LMBR1: variants seen among roughly 807,000 people sequenced by gnomAD.
LMBR1 encodes limb region 1 protein homolog.
A neutral mutation model predicts 73.9 loss-of-function variants in LMBR1; 52 were observed. The observed-to-expected ratio is 0.70, with a 90% CI of 0.56 to 0.89. The LOEUF (loss-of-function observed/expected upper bound fraction) is 0.89, where lower values mean the gene tolerates loss of function less well. LMBR1 is among the 40% of genes least tolerant of loss of function. LMBR1 has a pLI of 0.00. For missense variants in LMBR1, 539 were observed against 579.8 expected (o/e 0.93, Z 0.72); for synonymous variants, 215 against 209.4 (o/e 1.03, Z -0.23).
intron 1 of LMBR1, among the ~76,000 whole-genome samples, chr7:156,874,112 C>T (rs546068446): frequency 6.6e-6 from 1 of 152,240 alleles, no homozygotes; most frequent in Non-Finnish European, 1.5e-5. Flanking sequence ...GGGTGGGAGG[C>T]TCAGGCATGG....
chr7:156,739,963 A>G (rs1417691458), intron 9 of LMBR1, among the ~76,000 whole-genome samples: 1 of 152,190 alleles, frequency 6.6e-6, no homozygotes, highest in Non-Finnish European at 1.5e-5. Flanking sequence ...ACAGAATTCA[A>G]AATGGCTGTT....
rs1837956002 is a variant in LMBR1 at position 156,837,906 on chromosome 7, C to T, written c.67-1021G>A. ...GATTCAAGCGATTCTCCCATCTCAG[C>T]CTGCCGAGTAACTGGGAATACAGGT... On this transcript the variant is annotated intron_variant, in intron 1 of 16. Transcript: ENST00000353442. Among the ~76,000 whole-genome samples the T allele has an allele frequency of 2.0e-5, 3 of 151,676 alleles. No homozygotes were observed. In the South Asian group the frequency reaches 6.2e-4, roughly 31 times the overall value.
intron 15 of LMBR1, among the ~76,000 whole-genome samples, chr7:156,707,624 A>T (rs996804898): frequency 6.6e-6 from 1 of 152,208 alleles, no homozygotes; most frequent in African/African-American, 2.4e-5. Context: ...AAACCACATG[A>T]TCATCTCCAA....
chr7:156,826,735 C>A lies in LMBR1; in HGVS notation c.189G>T (p.Leu63Phe). The A allele has an allele frequency of 5.6e-6, 9 of 1,605,620 alleles. No individual in the cohort carries two copies. The highest frequency in any genetic ancestry group is 7.7e-6 in the Non-Finnish European group (9 of 1,175,288). The change falls in exon 4 of 17, where the codon TTG becomes TTT. Residue 63 changes from leucine to phenylalanine, a missense_variant. Leu to Phe is a conservative substitution (Grantham distance 22). This residue lies in a region of LMBR1 where 454 missense variants were observed against 473.4 expected (regional missense o/e 0.96). Coordinates refer to ENST00000353442, the MANE Select transcript of LMBR1 (RefSeq NM_022458.4). ...DAIVNRISLF[L>F]STFTLAVSAG... is the part of the protein sequence containing the mutation. ...CTGACACTGCGAGAGTGAACGTGCT[C>A]AAAAACAACCTGGAAGAAAGGAGAG...
chr7:156,739,566 C>T (rs138143431), intron 9 of LMBR1, among the ~76,000 whole-genome samples: 14 of 152,306 alleles, frequency 9.2e-5, no homozygotes, highest in Admixed American at 2.6e-4. Context: ...GCTTGCATCA[C>T]CCCAACTCAG....
At chr7:156,797,129 A>G (rs1160760653) in intron 4 of LMBR1, among the ~76,000 whole-genome samples, 2 of 152,200 alleles carry the variant, frequency 1.3e-5, no homozygotes, top group African/African-American at 4.8e-5. Context: ...AAATCACTAC[A>G]TCACAGAAAT....
At chr7:156,689,851 A>G (rs1806795808) in intron 15 of LMBR1, among the ~76,000 whole-genome samples, 1 of 152,192 alleles carries the variant, frequency 6.6e-6, no homozygotes, top group Non-Finnish European at 1.5e-5. Context: ...TATAAGTTTT[A>G]TTTTTCAAAT....
downstream of LMBR1, chr7:156,676,344 C>T (rs769845548): frequency 1.7e-5 from 28 of 1,613,286 alleles, no homozygotes; most frequent in Non-Finnish European, 2.3e-5. Flanking sequence ...GCACATGGTT[C>T]GCATTTCAGT....
intron 4 of LMBR1, among the ~76,000 whole-genome samples, chr7:156,797,903 G>A (rs1486791722): frequency 6.6e-6 from 1 of 151,800 alleles, no homozygotes; most frequent in African/African-American, 2.4e-5. Context: ...TGGAAAAACT[G>A]CAATTTGAAC....
chr7:156,671,795 G>T (rs372587588), intron 4 of LMBR1, among the ~76,000 whole-genome samples: 2 of 151,340 alleles, frequency 1.3e-5, no homozygotes, highest in East Asian at 3.9e-4. Context: ...CTTAAGTCGT[G>T]TAGAGTATGT....
chr7:156,780,145 T>C (rs1286937307), intron 5 of LMBR1, among the ~76,000 whole-genome samples: 1 of 152,230 alleles, frequency 6.6e-6, no homozygotes, highest in Admixed American at 6.5e-5. Context: ...TTAAGGTCTA[T>C]AGTAAAACAG....
chr7:156,853,055 C>T (rs1008919777), intron 1 of LMBR1, among the ~76,000 whole-genome samples: 4 of 151,706 alleles, frequency 2.6e-5, no homozygotes, highest in African/African-American at 7.3e-5. Flanking sequence ...TTTCCCGCCT[C>T]GGCCTCCCAA....
chr7:156,721,976 T>C (rs1248913441), intron 15 of LMBR1, among the ~76,000 whole-genome samples: 1 of 151,532 alleles, frequency 6.6e-6, no homozygotes, highest in East Asian at 1.9e-4. Flanking sequence ...AAAAGAAACA[T>C]GTCCATTGAA....
At chr7:156,859,037 T>C (rs1797364689) in intron 1 of LMBR1, among the ~76,000 whole-genome samples, 1 of 152,140 alleles carries the variant, frequency 6.6e-6, no homozygotes, top group African/African-American at 2.4e-5. Flanking sequence ...GCAGATCACC[T>C]GAGGTCAGGA....
At chr7:156,837,917 A>C (rs1168463578) in intron 1 of LMBR1, among the ~76,000 whole-genome samples, 6 of 151,862 alleles carry the variant, frequency 4.0e-5, no homozygotes, top group Non-Finnish European at 5.9e-5. Context: ...CTGCCGAGTA[A>C]CTGGGAATAC....
intron 1 of LMBR1, among the ~76,000 whole-genome samples, chr7:156,861,033 CACAGCTCCACTAG>C: frequency 6.6e-6 from 1 of 152,348 alleles, no homozygotes; most frequent in East Asian, 1.9e-4. Flanking sequence ...GCCCTCTTCT[CACAGCTCCACTAG>C]GTGGTGTCCC....
intron 1 of LMBR1, among the ~76,000 whole-genome samples, chr7:156,890,914 G>A (rs114360277): frequency 0.039 from 5,982 of 152,152 alleles, 170 homozygotes; most frequent in Non-Finnish European, 0.049. Flanking sequence ...TAGCCAGCCC[G>A]GCGTGGTGGC....
intron 5 of LMBR1, among the ~76,000 whole-genome samples, chr7:156,775,067 C>T (rs1825883752): frequency 6.6e-6 from 1 of 152,058 alleles, no homozygotes; most frequent in Non-Finnish European, 1.5e-5. Flanking sequence ...AGGTACTATG[C>T]TTACAACCTG....
intron 15 of LMBR1, among the ~76,000 whole-genome samples, chr7:156,700,126 A>G (rs1809316386): frequency 6.6e-6 from 1 of 152,208 alleles, no homozygotes; most frequent in African/African-American, 2.4e-5. Context: ...CACAATAGCA[A>G]AGACTTGGAA....
Sources: gnomAD v4.1 joint callset for allele counts (sites outside exome capture counted in the v4.1 genomes callset) on GRCh38, gnomAD v4.1.1 for gene constraint, gnomAD v4.1.1 regional missense constraint, MANE v1.5 for transcripts, NCBI Gene and HGNC (gene_info 2026-07-23, HGNC 2026-07-21) for gene names.